The following BCKDHB variants were observed in gnomAD, a reference collection of about 807,000 sequenced individuals.
BCKDHB encodes branched chain keto acid dehydrogenase E1 subunit beta.
BCKDHB carries 41 observed loss-of-function variants against 48.5 expected under a neutral mutation model. The observed-to-expected ratio is 0.85, with a 90% confidence interval of 0.66 to 1.10. The LOEUF (loss-of-function observed/expected upper bound fraction) is 1.10, where lower values mean the gene tolerates loss of function less well. Among genes scored for constraint, BCKDHB ranks in the 50% least tolerant of loss-of-function variants. The probability of loss-of-function intolerance (pLI) is 0.00; values close to 1 mark genes in which losing one functional copy is unlikely to be tolerated. For missense variants in BCKDHB, 496 were observed against 494.2 expected (o/e 1.00, Z -0.03); for synonymous variants, 201 against 174.8 (o/e 1.15, Z -1.18).
chr6:80,332,059 G>A (rs1017941888), intron 9 of BCKDHB, among the ~76,000 whole-genome samples: 9 of 152,204 alleles, frequency 5.9e-5, no homozygotes, highest in African/African-American at 2.2e-4. Context: ...GCTGTGCTTC[G>A]CAGGGATGAC....
At chr6:80,461,056 G>A in the BCKDHB span, among the ~76,000 whole-genome samples, 4 of 152,132 alleles carry the variant, frequency 2.6e-5, no homozygotes, top group Admixed American at 6.5e-5. Flanking sequence ...TCTTGGTGAC[G>A]TAATCTATTT....
intron 8 of BCKDHB, 52 bp from the exon 9 acceptor site, chr6:80,273,083 A>C: frequency 7.6e-7 from 1 of 1,322,692 alleles, no homozygotes. Flanking sequence ...CTACCATCAT[A>C]TATATAAAAT....
intron 3 of BCKDHB, among the ~76,000 whole-genome samples, chr6:80,156,229 G>C (rs1291829999): frequency 1.3e-5 from 2 of 151,598 alleles, no homozygotes; most frequent in African/African-American, 2.4e-5. Context: ...TGGGTCATCT[G>C]AATCATTTGC....
chr6:80,319,521 G>C (rs557695339), intron 9 of BCKDHB, among the ~76,000 whole-genome samples: 6 of 152,276 alleles, frequency 3.9e-5, no homozygotes, highest in South Asian at 2.1e-4. Flanking sequence ...ATTCATGCCA[G>C]CTTCTCCCTC....
At chr6:80,336,691 T>A (rs900888662) in intron 9 of BCKDHB, among the ~76,000 whole-genome samples, 1 of 152,012 alleles carries the variant, frequency 6.6e-6, no homozygotes, top group East Asian at 1.9e-4. Flanking sequence ...ATAATAATAT[T>A]TTAAGTGTTA....
intron 8 of BCKDHB, among the ~76,000 whole-genome samples, chr6:80,245,549 A>G (rs1304084778): frequency 6.6e-6 from 1 of 152,098 alleles, no homozygotes; most frequent in Non-Finnish European, 1.5e-5. Flanking sequence ...TTCTGATACT[A>G]TTTTCATGTG....
intron 6 of BCKDHB, among the ~76,000 whole-genome samples, chr6:80,192,822 CTTTTTTT>C (rs11415441): frequency 6.9e-6 from 1 of 145,226 alleles, no homozygotes; most frequent in Non-Finnish European, 1.5e-5. Flanking sequence ...TATTTGCCAA[CTTTTTTT>C]TTTTTTTGAA....
chr6:80,462,104 C>T, the BCKDHB span, among the ~76,000 whole-genome samples: 1 of 152,064 alleles, frequency 6.6e-6, no homozygotes, highest in African/African-American at 2.4e-5. Context: ...CAACTATTAC[C>T]TTTAAGCATA....
chr6:80,254,735 A>G (rs190819328), intron 8 of BCKDHB, among the ~76,000 whole-genome samples: 43 of 152,196 alleles, frequency 2.8e-4, no homozygotes, highest in Admixed American at 2.6e-3. Flanking sequence ...AAAACCAAAA[A>G]CTACAAGACA....
At chr6:80,380,459 A>G in the BCKDHB span, among the ~76,000 whole-genome samples, 957 of 152,060 alleles carry the variant, frequency 6.3e-3, 13 homozygotes, top group African/African-American at 0.021. Flanking sequence ...AGACCTAAAC[A>G]TAAGACTAGA....
chr6:80,314,928 G>A (rs182501848), intron 9 of BCKDHB, among the ~76,000 whole-genome samples: 3 of 152,280 alleles, frequency 2.0e-5, no homozygotes, highest in Admixed American at 6.5e-5. Flanking sequence ...CATCCAGACC[G>A]TTTGTACTCT....
intron 8 of BCKDHB, among the ~76,000 whole-genome samples, chr6:80,270,951 CTTT>C (rs1235902817): frequency 1.3e-5 from 2 of 152,106 alleles, no homozygotes; most frequent in East Asian, 3.9e-4. Context: ...AATTCAAGGG[CTTT>C]CCCTTTATTT....
intron 9 of BCKDHB, among the ~76,000 whole-genome samples, chr6:80,282,740 G>T (rs138988805): frequency 1.2e-3 from 176 of 151,980 alleles, no homozygotes; most frequent in Non-Finnish European, 2.0e-3. Flanking sequence ...AAAGAAACTT[G>T]CACTATAAGT....
At chr6:80,412,080 G>A in the BCKDHB span, among the ~76,000 whole-genome samples, 3 of 151,870 alleles carry the variant, frequency 2.0e-5, no homozygotes, top group Admixed American at 2.0e-4. Flanking sequence ...TTCCTATTTG[G>A]CCATCTTGGA....
At chr6:80,148,505 C>G (rs954618181) in intron 3 of BCKDHB, among the ~76,000 whole-genome samples, 1 of 152,102 alleles carries the variant, frequency 6.6e-6, no homozygotes, top group Admixed American at 6.6e-5. Context: ...CACTATTGTT[C>G]CCATTGCCAC....
chr6:80,166,768 G>A (rs1403156599), intron 3 of BCKDHB, among the ~76,000 whole-genome samples: 2 of 151,894 alleles, frequency 1.3e-5, no homozygotes, highest in African/African-American at 4.8e-5. Context: ...TTTAAAATTT[G>A]TTGAGATTGG....
At chr6:80,132,324 A>C (rs1384357815) in intron 3 of BCKDHB, among the ~76,000 whole-genome samples, 3 of 152,130 alleles carry the variant, frequency 2.0e-5, no homozygotes, top group African/African-American at 7.2e-5. Flanking sequence ...CCCACCAGAA[A>C]GTTGTCAAAG....
chr6:80,445,974 C>T, the BCKDHB span, among the ~76,000 whole-genome samples: 5 of 152,072 alleles, frequency 3.3e-5, no homozygotes, highest in African/African-American at 1.2e-4. Context: ...ATCAAATGCT[C>T]AGGAGAATGT....
the BCKDHB span, among the ~76,000 whole-genome samples, chr6:80,384,230 A>C: frequency 2.0e-5 from 3 of 152,186 alleles, no homozygotes; most frequent in Non-Finnish European, 4.4e-5. Flanking sequence ...GCAAATATAA[A>C]GCAGGAAAAA....
Sources: allele counts gnomAD v4.1 joint callset (sites outside exome capture counted in the v4.1 genomes callset), GRCh38; gene constraint gnomAD v4.1.1; transcripts MANE v1.5; gene names NCBI Gene and HGNC (gene_info 2026-07-23, HGNC 2026-07-21).